Variants in GUCY1A2 observed in about 807,000 individuals in gnomAD.
GUCY1A2 encodes guanylate cyclase soluble subunit alpha-2.
GUCY1A2 carries 27 observed loss-of-function variants against 63.5 expected under a neutral mutation model. That is an observed-to-expected ratio of 0.43 (90% CI 0.31 to 0.59). The LOEUF (loss-of-function observed/expected upper bound fraction) is 0.59, where lower values mean the gene tolerates loss of function less well. GUCY1A2 is among the 20% of genes least tolerant of loss of function. GUCY1A2 has a pLI of 0.11. For synonymous variants in GUCY1A2, 364 were observed against 343.5 expected (o/e 1.06, Z -0.66); for missense variants, 768 against 913.3 (o/e 0.84, Z 2.05).
chr11:106,964,889 A>C (rs1277934045), intron 3 of GUCY1A2, among the ~76,000 whole-genome samples: 3 of 152,132 alleles, frequency 2.0e-5, no homozygotes, highest in Non-Finnish European at 4.4e-5. Context: ...CTGAGGTAGG[A>C]GAATGGCATG....
chr11:106,933,580 AATTGC>A (rs1860634614), intron 4 of GUCY1A2, among the ~76,000 whole-genome samples: 1 of 152,198 alleles, frequency 6.6e-6, no homozygotes, highest in East Asian at 1.9e-4. Context: ...TTGACCTAGC[AATTGC>A]ATTACTGGTT....
chr11:106,684,421 G>A lies in GUCY1A2; in HGVS notation c.*3128C>T, dbSNP rs1174248827. ...TATAGACAAGAGATCCAACTACTAT[G>A]TTTCTGAAGCATATTATTATTTTTT... is the stretch of plus-strand genomic sequence containing the variant. On this transcript the variant is annotated 3_prime_UTR_variant, in exon 8 of 8. Transcript: ENST00000526355. The A allele has an allele frequency of 5.2e-6, 1 of 191,746 alleles. No homozygotes were observed. Among genetic ancestry groups the A allele is most frequent in the African/African-American group, 2.3e-5 (1 of 42,956 alleles). 11.9% of individuals were successfully genotyped at this position (191,746 alleles called of 1,614,324 possible). A position where few individuals can be genotyped will look rare whatever the true frequency, so the allele number is the denominator to read the frequency against.
At chr11:106,767,744 C>G (rs998281632) in intron 6 of GUCY1A2, among the ~76,000 whole-genome samples, 1 of 152,092 alleles carries the variant, frequency 6.6e-6, no homozygotes, top group Non-Finnish European at 1.5e-5. Flanking sequence ...ACTATAGCAT[C>G]ATGTCAGAAG....
At position 106,772,016 on chromosome 11, in the gene GUCY1A2, C is replaced by T. The variant is rs11211908; in HGVS notation, c.1836+4423G>A. On this transcript the variant is annotated intron_variant, in intron 6 of 7. Transcript: ENST00000526355. Reference sequence around the variant, plus strand: ...GTAGCCTCTGAGTTTCATTAGAGTACTTATTGAACAATAATTTACTTGAGT... The same window carrying T: ...GTAGCCTCTGAGTTTCATTAGAGTATTTATTGAACAATAATTTACTTGAGT... Among the ~76,000 whole-genome samples the T allele has an allele frequency of 9.1e-3, 1,379 of 152,026 alleles. 21 individuals are homozygous for T. Among genetic ancestry groups the T allele is most frequent in the African/African-American group, 0.031 (1,300 of 41,464 alleles).
intron 6 of GUCY1A2, among the ~76,000 whole-genome samples, chr11:106,733,246 T>C (rs182054251): frequency 6.6e-6 from 1 of 152,288 alleles, no homozygotes; most frequent in Admixed American, 6.5e-5. Context: ...ATGTACTTTT[T>C]ATATACATAA....
chr11:106,945,317 AG>A (rs1158812993), intron 3 of GUCY1A2, among the ~76,000 whole-genome samples: 5 of 152,158 alleles, frequency 3.3e-5, no homozygotes, highest in Non-Finnish European at 7.4e-5. Flanking sequence ...TTTATCACCC[AG>A]AAGAGTATCT....
intron 6 of GUCY1A2, among the ~76,000 whole-genome samples, chr11:106,772,822 T>A (rs1864281354): frequency 6.6e-6 from 1 of 152,198 alleles, no homozygotes; most frequent in Non-Finnish European, 1.5e-5. Context: ...CTTGAAAATT[T>A]AAGAACTGAT....
At chr11:106,983,889 A>T (rs888103071) in intron 2 of GUCY1A2, among the ~76,000 whole-genome samples, 3 of 152,318 alleles carry the variant, frequency 2.0e-5, no homozygotes, top group African/African-American at 7.2e-5. Flanking sequence ...TCTTTTTCAC[A>T]ATTAGAGATA....
At chr11:106,910,838 A>G (rs1007305690) in intron 4 of GUCY1A2, among the ~76,000 whole-genome samples, 2 of 152,046 alleles carry the variant, frequency 1.3e-5, no homozygotes, top group Non-Finnish European at 2.9e-5. Flanking sequence ...GTACATGTTG[A>G]TTATATTTGT....
In GUCY1A2 at chr11:106,701,467, G is replaced by A. The variant is rs150939374; in HGVS notation, c.1991+7045C>T. 1.0e-3 allele frequency among the ~76,000 whole-genome samples: 158 copies of A among 152,240 alleles called. 2 individuals carry two copies. Among genetic ancestry groups the A allele is most frequent in the African/African-American group, 3.6e-3 (150 of 41,546 alleles). On this transcript the variant is annotated intron_variant, in intron 7 of 7. Coordinates refer to ENST00000526355, the MANE Select transcript of GUCY1A2 (RefSeq NM_000855.3). The stretch of plus-strand genomic sequence containing the variant: ...AAAGAGAAAACGAATCTCCCTTGCT[G>A]TAATTCCACTTTGCTCCCCACTGCT...
At chr11:106,842,596 GAAC>G (rs1409838246) in intron 4 of GUCY1A2, among the ~76,000 whole-genome samples, 1 of 152,012 alleles carries the variant, frequency 6.6e-6, no homozygotes, top group East Asian at 1.9e-4. Flanking sequence ...AGGACAAAAT[GAAC>G]ATCATTCATC....
intron 1 of GUCY1A2, among the ~76,000 whole-genome samples, chr11:106,993,106 T>C (rs1437046145): frequency 6.6e-6 from 1 of 152,232 alleles, no homozygotes; most frequent in African/African-American, 2.4e-5. Flanking sequence ...AATGAGCTTC[T>C]CTACAATATA....
intron 6 of GUCY1A2, among the ~76,000 whole-genome samples, chr11:106,741,399 T>A (rs553014741): frequency 5.3e-5 from 8 of 152,296 alleles, no homozygotes; most frequent in Admixed American, 3.9e-4. Flanking sequence ...GAAGCATACA[T>A]GTGAGCTGGG....
At chr11:106,712,193 T>C (rs927086275) in intron 6 of GUCY1A2, among the ~76,000 whole-genome samples, 2 of 152,170 alleles carry the variant, frequency 1.3e-5, no homozygotes, top group African/African-American at 4.8e-5. Context: ...ACTGATGATC[T>C]ATTCATTTAA....
rs540053192 is a variant in GUCY1A2, at chr11:106,959,731, T to C, written c.487+18888A>G. 6.6e-5 allele frequency among the ~76,000 whole-genome samples: 10 copies of C among 152,384 alleles called. No homozygotes were observed. In the South Asian group the frequency reaches 1.9e-3, roughly 28 times the overall value. On this transcript the variant is annotated intron_variant, in intron 3 of 7. Transcript: ENST00000526355. ...AGATCAGCTGAGACCTCTGTTGTGATGGCTTCTGCAAGAGCAATTCAATTT... is the reference window on the plus strand; with the variant it reads ...AGATCAGCTGAGACCTCTGTTGTGACGGCTTCTGCAAGAGCAATTCAATTT...
chr11:106,904,813 C>T (rs2119839730), intron 4 of GUCY1A2, among the ~76,000 whole-genome samples: 1 of 151,556 alleles, frequency 6.6e-6, no homozygotes, highest in Non-Finnish European at 1.5e-5. Context: ...TGACATGACT[C>T]CTTGAGGAAA....
intron 4 of GUCY1A2, among the ~76,000 whole-genome samples, chr11:106,937,748 G>A (rs1860698704): frequency 6.6e-6 from 1 of 152,132 alleles, no homozygotes; most frequent in Non-Finnish European, 1.5e-5. Context: ...GTGACAATTT[G>A]TATTTAAAAC....
At chr11:106,878,841 A>C (rs1350303787) in intron 4 of GUCY1A2, among the ~76,000 whole-genome samples, 1 of 151,316 alleles carries the variant, frequency 6.6e-6, no homozygotes, top group Admixed American at 6.6e-5. Context: ...TTTTCCCTGG[A>C]GCTTCCAGAA....
chr11:106,897,524 A>G (rs1860067766), intron 4 of GUCY1A2, among the ~76,000 whole-genome samples: 1 of 151,702 alleles, frequency 6.6e-6, no homozygotes, highest in African/African-American at 2.4e-5. Context: ...AACAGAATAA[A>G]GACCCCAGAA....
Sources: gnomAD v4.1 joint callset for allele counts (sites outside exome capture counted in the v4.1 genomes callset) on GRCh38, gnomAD v4.1.1 for gene constraint, MANE v1.5 for transcripts, NCBI Gene and HGNC (gene_info 2026-07-23, HGNC 2026-07-21) for gene names.